CLDN10: variants seen among roughly 807,000 people sequenced by gnomAD.
CLDN10 encodes the protein claudin 10.
A neutral mutation model predicts 22.9 loss-of-function variants in CLDN10; 15 were observed. The observed-to-expected ratio is 0.65, with a 90% confidence interval of 0.44 to 1.01. The LOEUF (loss-of-function observed/expected upper bound fraction) is 1.01. Ranked by LOEUF, CLDN10 falls within the 50% of genes least tolerant of loss-of-function variation. The probability of loss-of-function intolerance (pLI) is 0.00; values close to 1 mark genes in which losing one functional copy is unlikely to be tolerated. For missense variants in CLDN10, 247 were observed against 287.8 expected (o/e 0.86, Z 1.03); for synonymous variants, 114 against 111.4 (o/e 1.02, Z -0.15).
At chr13:95,484,513 GT>G (rs1200105852) in intron 1 of CLDN10, among the ~76,000 whole-genome samples, 1 of 152,076 alleles carries the variant, frequency 6.6e-6, no homozygotes, top group Admixed American at 6.6e-5. Context: ...ACAAGGTCAA[GT>G]TTTTTCAGTT....
chr13:95,442,848 A>G (rs1037480201), intron 1 of CLDN10, among the ~76,000 whole-genome samples: 35 of 152,224 alleles, frequency 2.3e-4, no homozygotes, highest in African/African-American at 8.2e-4. Context: ...AATAATACGA[A>G]TCAACTCATA....
intron 1 of CLDN10, among the ~76,000 whole-genome samples, chr13:95,481,714 C>T (rs1320360043): frequency 1.3e-5 from 2 of 152,090 alleles, no homozygotes; most frequent in African/African-American, 4.8e-5. Flanking sequence ...GGGTTCTTTC[C>T]ATTATTTAAA....
At chr13:95,435,190 T>G (rs919782559) in intron 1 of CLDN10, among the ~76,000 whole-genome samples, 1 of 152,228 alleles carries the variant, frequency 6.6e-6, no homozygotes, top group African/African-American at 2.4e-5. Flanking sequence ...AATTACTATC[T>G]GCCTCTGCTT....
At chr13:95,434,567 G>A (rs1363172221) in intron 1 of CLDN10, among the ~76,000 whole-genome samples, 1 of 149,736 alleles carries the variant, frequency 6.7e-6, no homozygotes, top group African/African-American at 2.5e-5. Context: ...ACACATGTGT[G>A]TATATATACA....
At chr13:95,463,023 T>C (rs1204539436) in intron 1 of CLDN10, among the ~76,000 whole-genome samples, 1 of 152,082 alleles carries the variant, frequency 6.6e-6, no homozygotes, top group Non-Finnish European at 1.5e-5. Flanking sequence ...TTGTGTTTGC[T>C]ATGTTGGTGC....
intron 1 of CLDN10, among the ~76,000 whole-genome samples, chr13:95,497,681 A>G (rs935481745): frequency 6.6e-6 from 1 of 152,236 alleles, no homozygotes; most frequent in Non-Finnish European, 1.5e-5. Flanking sequence ...CAGGGGCTTA[A>G]GTGGTCCCTT....
intron 1 of CLDN10, among the ~76,000 whole-genome samples, chr13:95,445,355 T>C (rs1388878984): frequency 6.6e-6 from 1 of 152,174 alleles, no homozygotes; most frequent in Non-Finnish European, 1.5e-5. Flanking sequence ...GATCCAGACT[T>C]TGTCTGGAAG....
In CLDN10 at chr13:95,577,994, GAT is replaced by G. The variant is rs2043961283; in HGVS notation, c.669_670del (p.Asp223GlufsTer34). 30 of 1,610,330 alleles carry G rather than the reference GAT, an allele frequency of 1.9e-5. No homozygotes were observed. Among genetic ancestry groups the G allele is most frequent in the Non-Finnish European group, 2.5e-5 (29 of 1,176,978 alleles). On this transcript the variant is annotated frameshift_variant, in exon 5 of 5. Transcript: ENST00000299339. LOFTEE classifies it high-confidence loss of function. ...AACAACAAACCCTTCAAAACAGTTTGATAAAAATGCTTATGTCTAAAAGAGCT... is the reference window on the plus strand; with the variant it reads ...AACAACAAACCCTTCAAAACAGTTTGAAAAATGCTTATGTCTAAAAGAGCT... The part of the protein sequence containing the change: ...FKTTNPSKQF[D>X]KNAYV
chr13:95,524,114 C>CA (rs2043251762), intron 1 of CLDN10, among the ~76,000 whole-genome samples: 1 of 135,800 alleles, frequency 7.4e-6, no homozygotes, highest in South Asian at 2.3e-4. Flanking sequence ...TTTTTTGAGA[C>CA]AGAGTCTCAC....
At chr13:95,503,029 G>A (rs1347589875) in intron 1 of CLDN10, among the ~76,000 whole-genome samples, 2 of 152,220 alleles carry the variant, frequency 1.3e-5, no homozygotes, top group South Asian at 2.1e-4. Flanking sequence ...CTAACTGTTG[G>A]TTGGCTCTAT....
At chr13:95,446,273 G>A (rs2042378566) in intron 1 of CLDN10, among the ~76,000 whole-genome samples, 1 of 152,198 alleles carries the variant, frequency 6.6e-6, no homozygotes, top group Non-Finnish European at 1.5e-5. Flanking sequence ...AGTCTCTCAA[G>A]CAGTTTCCAG....
At chr13:95,530,088 C>A (rs35921212) in intron 1 of CLDN10, among the ~76,000 whole-genome samples, 1 of 151,862 alleles carries the variant, frequency 6.6e-6, no homozygotes, top group Non-Finnish European at 1.5e-5. Context: ...AAACACCAAC[C>A]AGAAAGTGTG....
chr13:95,448,207 C>T (rs2042399523), intron 1 of CLDN10, among the ~76,000 whole-genome samples: 1 of 152,170 alleles, frequency 6.6e-6, no homozygotes, highest in African/African-American at 2.4e-5. Context: ...ACTACACACA[C>T]ACACAGAAAA....
intron 1 of CLDN10, among the ~76,000 whole-genome samples, chr13:95,538,142 A>C (rs1194702390): frequency 6.9e-6 from 1 of 144,674 alleles, no homozygotes; most frequent in Non-Finnish European, 1.5e-5. Context: ...CCATTGACAA[A>C]CTGTTTATTT....
At chr13:95,474,153 A>C (rs2042662436) in intron 1 of CLDN10, among the ~76,000 whole-genome samples, 1 of 152,210 alleles carries the variant, frequency 6.6e-6, no homozygotes. Flanking sequence ...TGTTTTACTG[A>C]AACTAGACGG....
chr13:95,492,944 TC>T (rs2042890499), intron 1 of CLDN10, among the ~76,000 whole-genome samples: 1 of 152,168 alleles, frequency 6.6e-6, no homozygotes, highest in African/African-American at 2.4e-5. Flanking sequence ...ACCTTCCGCT[TC>T]CCCAGTGGTG....
At chr13:95,461,025 T>C (rs2042531712) in intron 1 of CLDN10, among the ~76,000 whole-genome samples, 1 of 152,104 alleles carries the variant, frequency 6.6e-6, no homozygotes. Context: ...GGCAGGGGAA[T>C]TGCTTGAATC....
At chr13:95,573,798 C>T (rs972614004) in intron 3 of CLDN10, among the ~76,000 whole-genome samples, 4 of 151,580 alleles carry the variant, frequency 2.6e-5, no homozygotes, top group African/African-American at 7.3e-5. Context: ...CACAGGTTTA[C>T]ATGTGCCATG....
intron 1 of CLDN10, among the ~76,000 whole-genome samples, chr13:95,501,335 T>G (rs1197067536): frequency 6.6e-6 from 1 of 151,996 alleles, no homozygotes; most frequent in Non-Finnish European, 1.5e-5. Context: ...TTTTTAGAGA[T>G]AGAGATCTCA....
Sources: gnomAD v4.1 joint callset for allele counts (sites outside exome capture counted in the v4.1 genomes callset) on GRCh38, gnomAD v4.1.1 for gene constraint, MANE v1.5 for transcripts, NCBI Gene and HGNC (gene_info 2026-07-23, HGNC 2026-07-21) for gene names.